The following ADAP2 variants were observed in gnomAD, a reference collection of about 807,000 sequenced individuals.
ADAP2 encodes ArfGAP with dual PH domains 2.
In ADAP2, 42 loss-of-function variants were observed where a neutral mutation model predicts 54.9. The observed-to-expected ratio is 0.77, with a 90% CI of 0.60 to 0.99. ADAP2 has a LOEUF of 0.99. ADAP2 is among the 50% of genes least tolerant of loss of function. The pLI is 0.00. For synonymous variants in ADAP2, 177 were observed against 180.1 expected (o/e 0.98, Z 0.14); for missense variants, 429 against 480.4 (o/e 0.89, Z 1.00).
intron 7 of ADAP2, among the ~76,000 whole-genome samples, chr17:30,950,393 C>T (rs1044161066): frequency 6.6e-6 from 1 of 152,128 alleles, no homozygotes; most frequent in East Asian, 1.9e-4. Flanking sequence ...CTCAGGGATG[C>T]TCTATTGCTC....
intron 2 of ADAP2, among the ~76,000 whole-genome samples, chr17:30,923,949 C>G (rs1210694362): frequency 6.6e-6 from 1 of 151,954 alleles, no homozygotes; most frequent in Non-Finnish European, 1.5e-5. Context: ...GGTAATCCAC[C>G]CTCCTCGGCC....
In ADAP2 at chr17:30,956,295, G is replaced by GC; in HGVS notation, c.939dup (p.Tyr314LeufsTer33). On this transcript the variant is annotated frameshift_variant, in exon 10 of 11. Coordinates refer to ENST00000330889, the MANE Select transcript of ADAP2 (RefSeq NM_018404.3). LOFTEE classifies it high-confidence loss of function. ...TGGGAACAAGGAGCAGGGATATGAA[G>GC]CCTACGAAGACCTGCCCAAGGGCAT... 6.2e-7 allele frequency: 1 copy of GC among 1,614,198 alleles called. No individual in the cohort carries two copies. Among genetic ancestry groups the GC allele is most frequent in the South Asian group, 1.1e-5 (1 of 91,086 alleles).
chr17:30,930,278 G>A (rs1202003714), intron 3 of ADAP2, among the ~76,000 whole-genome samples: 4 of 151,420 alleles, frequency 2.6e-5, no homozygotes, highest in Non-Finnish European at 5.9e-5. Flanking sequence ...TGCTATGTTG[G>A]CCAGGCTGGT....
chr17:30,928,715 T>A (rs897530951), intron 3 of ADAP2, among the ~76,000 whole-genome samples: 1 of 152,074 alleles, frequency 6.6e-6, no homozygotes, highest in African/African-American at 2.4e-5. Context: ...TAATTTTATA[T>A]AAGAGGGGGG....
chr17:30,927,729 A>G (rs1911171393), intron 3 of ADAP2, among the ~76,000 whole-genome samples: 1 of 151,926 alleles, frequency 6.6e-6, no homozygotes, highest in Non-Finnish European at 1.5e-5. Context: ...CCATAAAAAT[A>G]AGAATAACAG....
intron 4 of ADAP2, among the ~76,000 whole-genome samples, chr17:30,932,552 C>T (rs1465622844): frequency 1.5e-4 from 22 of 150,370 alleles, no homozygotes; most frequent in Admixed American, 1.4e-3. Context: ...CTGTGCCCAG[C>T]CAGACTCTTT....
At chr17:30,938,454 AGG>A (rs1197524256) in intron 5 of ADAP2, among the ~76,000 whole-genome samples, 1 of 152,186 alleles carries the variant, frequency 6.6e-6, no homozygotes, top group Non-Finnish European at 1.5e-5. Context: ...CCCTGATTCA[AGG>A]GGAGGGGAAA....
intron 6 of ADAP2, among the ~76,000 whole-genome samples, chr17:30,945,970 G>A (rs895280457): frequency 2.0e-5 from 3 of 151,330 alleles, no homozygotes; most frequent in Non-Finnish European, 2.9e-5. Context: ...TGTCTAACAC[G>A]GTGAAACCCC....
Position 30,949,296 on chromosome 17 carries a change from G to T in ADAP2, c.667G>T (p.Asp223Tyr). 3 of 1,614,106 alleles carry T rather than the reference G, an allele frequency of 1.9e-6. No individual in the cohort carries two copies. Among genetic ancestry groups the T allele is most frequent in the Non-Finnish European group, 2.5e-6 (3 of 1,179,980 alleles). ...VYHESGKEIVDWFNALRAARL... is the reference protein window; with the variant it reads ...VYHESGKEIVYWFNALRAARL... ...GCACTTCTCTCCGCAGGAGATAGTG[G>T]ACTGGTTCAATGCCCTCCGTGCAGC... Residue 223 changes from aspartate to tyrosine, a missense_variant, in exon 7 of 11, where the codon GAC (aspartate) becomes TAC (tyrosine). By Grantham distance (160) the Asp-to-Tyr change is radical (BLOSUM62 -3). Transcript: ENST00000330889.
At chr17:30,950,676 G>T (rs1030407069) in intron 7 of ADAP2, among the ~76,000 whole-genome samples, 1 of 152,184 alleles carries the variant, frequency 6.6e-6, no homozygotes, top group African/African-American at 2.4e-5. Flanking sequence ...GGAGCCAGTT[G>T]TCTGGAATAG....
intron 7 of ADAP2, among the ~76,000 whole-genome samples, chr17:30,952,421 A>G (rs530472491): frequency 6.6e-6 from 1 of 151,932 alleles, no homozygotes; most frequent in Admixed American, 6.6e-5. Flanking sequence ...TGTCACCCAG[A>G]CTGGAGTGCA....
chr17:30,936,244 T>C (rs1218419819), intron 5 of ADAP2, among the ~76,000 whole-genome samples: 3 of 152,148 alleles, frequency 2.0e-5, no homozygotes, highest in African/African-American at 7.2e-5. Flanking sequence ...AACCTTAAAT[T>C]ACTGGCCTCA....
intron 5 of ADAP2, among the ~76,000 whole-genome samples, chr17:30,935,088 C>G (rs958738401): frequency 2.6e-5 from 4 of 151,770 alleles, no homozygotes; most frequent in Non-Finnish European, 5.9e-5. Flanking sequence ...AAACAAAAAC[C>G]GGGCATGGTG....
At chr17:30,932,413 TA>T (rs1911563115) in intron 4 of ADAP2, among the ~76,000 whole-genome samples, 2 of 151,718 alleles carry the variant, frequency 1.3e-5, no homozygotes, top group African/African-American at 4.8e-5. Context: ...TAGTGGCTTT[TA>T]TTTTTTTATT....
In ADAP2 at chr17:30,957,962, C is replaced by T; in HGVS notation, c.*93C>T. On this transcript the variant is annotated 3_prime_UTR_variant, in exon 11 of 11. Transcript: ENST00000330889. ...GGCCCTGGCTGCCCACCATCAGTGC[C>T]CCGCAGTCAGCAGCCATTCCTGGCA... 1 of 1,219,654 alleles carries T rather than the reference C, an allele frequency of 8.2e-7. No individual in the cohort carries two copies. Among genetic ancestry groups the T allele is most frequent in the Non-Finnish European group, 1.2e-6 (1 of 840,584 alleles). 75.6% of individuals were successfully genotyped at this position (1,219,654 alleles called of 1,614,324 possible). A position where few individuals can be genotyped will look rare whatever the true frequency, so the allele number is the denominator to read the frequency against.
At chr17:30,946,161 AC>A (rs1310055181) in intron 6 of ADAP2, among the ~76,000 whole-genome samples, 1 of 151,822 alleles carries the variant, frequency 6.6e-6, no homozygotes, top group Non-Finnish European at 1.5e-5. Flanking sequence ...CCTCAAAAAA[AC>A]AAAAAAAACA....
intron 10 of ADAP2, among the ~76,000 whole-genome samples, chr17:30,957,542 C>T (rs938570832): frequency 6.6e-6 from 1 of 152,110 alleles, no homozygotes; most frequent in Non-Finnish European, 1.5e-5. Context: ...ATCCTCTCAC[C>T]TCAGCCTCCC....
intron 7 of ADAP2, among the ~76,000 whole-genome samples, chr17:30,952,843 A>C (rs1343411836): frequency 6.6e-6 from 1 of 152,044 alleles, no homozygotes; most frequent in East Asian, 1.9e-4. Flanking sequence ...TTGTGCTACC[A>C]GTGATGTGAC....
chr17:30,944,899 T>C lies in ADAP2; in HGVS notation c.511-8T>C, dbSNP rs1912541272. ...GTCAGCGTCTTTCTTTCTCTTTCTC[T>C]CTTTCAGGGTAAAAGCCCCAAAGCT... On this transcript the variant is annotated splice_polypyrimidine_tract_variant and splice_region_variant and intron_variant, in intron 5 of 10. Transcript: ENST00000330889. 1 of 1,612,014 alleles carries C rather than the reference T, an allele frequency of 6.2e-7. No homozygotes were observed. Among genetic ancestry groups the C allele is most frequent in the African/African-American group, 1.3e-5 (1 of 74,710 alleles).
Sources: allele counts gnomAD v4.1 joint callset (sites outside exome capture counted in the v4.1 genomes callset), GRCh38; gene constraint gnomAD v4.1.1; transcripts MANE v1.5; gene names NCBI Gene and HGNC (gene_info 2026-07-23, HGNC 2026-07-21).